KCNN2: variants seen among roughly 807,000 people sequenced by gnomAD.
The protein encoded by KCNN2 is small conductance calcium-activated potassium channel protein 2.
In KCNN2, 24 loss-of-function variants were observed where a neutral mutation model predicts 55.5. The ratio of observed to expected loss-of-function variants is 0.43; its 90% CI spans 0.31 to 0.61. KCNN2 has a LOEUF of 0.61. Ranked by LOEUF, KCNN2 falls within the 20% of genes least tolerant of loss-of-function variation. KCNN2 has a pLI of 0.08. For missense variants in KCNN2, 754 were observed against 853.6 expected (o/e 0.88, Z 1.45); for synonymous variants, 431 against 336.1 (o/e 1.28, Z -3.09).
At chr5:114,056,470 A>T in exon 1 of KCNN2, 1 of 398,622 alleles carries the variant, frequency 2.5e-6, no homozygotes, top group East Asian at 3.6e-5. Context: ...TTGAGCTTCA[A>T]ATGGAGCGGG....
intron 2 of KCNN2, among the ~76,000 whole-genome samples, chr5:114,298,441 G>A (rs945814032): frequency 1.3e-5 from 2 of 152,196 alleles, no homozygotes; most frequent in East Asian, 1.9e-4. Flanking sequence ...CTCACCAGTT[G>A]CAACACTGGT....
intron 1 of KCNN2, among the ~76,000 whole-genome samples, chr5:114,091,644 G>A (rs1386888853): frequency 6.6e-6 from 1 of 152,106 alleles, no homozygotes; most frequent in Non-Finnish European, 1.5e-5. Context: ...AAAGGAAAGA[G>A]GATTAATTGA....
chr5:114,239,626 T>G (rs1754578346), intron 2 of KCNN2, among the ~76,000 whole-genome samples: 1 of 152,208 alleles, frequency 6.6e-6, no homozygotes. Flanking sequence ...TTCAACTATT[T>G]GGATCCTTTA....
At chr5:114,318,691 C>T (rs1756551648) in intron 2 of KCNN2, among the ~76,000 whole-genome samples, 1 of 151,860 alleles carries the variant, frequency 6.6e-6, no homozygotes, top group East Asian at 1.9e-4. Flanking sequence ...TAATTACATT[C>T]TTTCTGTAAT....
rs532862065 is a variant in KCNN2, at chr5:114,223,193, G to A, written c.-185+1628G>A. Among the ~76,000 whole-genome samples the A allele has an allele frequency of 1.8e-3, 273 of 152,234 alleles. 1 individual carries two copies. The highest frequency in any genetic ancestry group is 3.4e-3 in the Middle Eastern group (1 of 294). On this transcript the variant is annotated intron_variant, in intron 2 of 10. Transcript: ENST00000512097. ...TACATGTCAATTGATAGCATCCATC[G>A]TTTGACACTAACAGTTTTGAAGGTC...
intron 1 of KCNN2, among the ~76,000 whole-genome samples, chr5:114,207,887 A>G (rs1410973782): frequency 3.3e-5 from 5 of 152,206 alleles, no homozygotes; most frequent in African/African-American, 4.8e-5. Flanking sequence ...AGTGATAGCA[A>G]ATACAGTCAA....
At chr5:114,245,688 C>T (rs997748807) in intron 2 of KCNN2, among the ~76,000 whole-genome samples, 5 of 151,954 alleles carry the variant, frequency 3.3e-5, no homozygotes, top group African/African-American at 9.7e-5. Context: ...CAAAAAACCC[C>T]TAAAAACAAA....
intron 2 of KCNN2, among the ~76,000 whole-genome samples, chr5:114,264,280 A>G (rs557511881): frequency 2.0e-5 from 3 of 152,260 alleles, no homozygotes; most frequent in Non-Finnish European, 4.4e-5. Flanking sequence ...CTGTATATGA[A>G]TTATAATCTA....
chr5:114,448,979 A>G (rs368038045), intron 3 of KCNN2, among the ~76,000 whole-genome samples: 2 of 152,320 alleles, frequency 1.3e-5, no homozygotes, highest in Admixed American at 1.3e-4. Flanking sequence ...GATACTAGAC[A>G]TAGAGATGTA....
In KCNN2 at chr5:114,477,537, A is replaced by G. The variant is rs551296410; in HGVS notation, c.1890+4373A>G. On this transcript the variant is annotated intron_variant, in intron 5 of 7. Transcript: ENST00000673685. The stretch of plus-strand genomic sequence containing the variant: ...CGACAGGTACATGTGTCCAGAACAA[A>G]CTAATGATTTTGAAGTGAAAACATA... 3.3e-5 allele frequency among the ~76,000 whole-genome samples: 5 copies of G among 152,314 alleles called. No individual in the cohort carries two copies. In the South Asian group the frequency reaches 8.3e-4, roughly 25 times the overall value.
intron 1 of KCNN2, among the ~76,000 whole-genome samples, chr5:114,177,433 A>C (rs192060119): frequency 7.2e-5 from 11 of 152,196 alleles, no homozygotes; most frequent in African/African-American, 2.4e-4. Flanking sequence ...CACGGCACCC[A>C]GCTAATATGC....
chr5:114,476,048 A>ATT (rs1761949738), intron 5 of KCNN2, among the ~76,000 whole-genome samples: 1 of 150,746 alleles, frequency 6.6e-6, no homozygotes, highest in South Asian at 2.1e-4. Flanking sequence ...TTTTTTTTTT[A>ATT]AATTATACTT....
chr5:114,444,128 G>A (rs1042660022), intron 3 of KCNN2, among the ~76,000 whole-genome samples: 14 of 152,288 alleles, frequency 9.2e-5, no homozygotes, highest in African/African-American at 3.4e-4. Context: ...CAGTGGAAAT[G>A]GGAGTTCTCC....
chr5:114,123,456 G>A lies in KCNN2; in HGVS notation c.-271+66956G>A, dbSNP rs997412448. Among the ~76,000 whole-genome samples, 8 of 71,558 alleles carry A rather than the reference G, an allele frequency of 1.1e-4. 1 individual carries two copies. The highest frequency in any genetic ancestry group is 3.8e-4 in the Admixed American group (3 of 7,994). 46.9% of individuals were successfully genotyped at this position (71,558 alleles called of 152,430 possible). A position where few individuals can be genotyped will look rare whatever the true frequency, so the allele number is the denominator to read the frequency against. On this transcript the variant is annotated intron_variant, in intron 1 of 10. Coordinates refer to the KCNN2 transcript ENST00000512097. ...CGGCTCACTGCAAGCTCCGCCTCCC[G>A]GGTTCACGCCATTCTCCTGTCTCAG...
At chr5:114,121,543 A>G (rs1399242747) in intron 1 of KCNN2, among the ~76,000 whole-genome samples, 1 of 152,314 alleles carries the variant, frequency 6.6e-6, no homozygotes, top group East Asian at 1.9e-4. Context: ...TACAGAAGGC[A>G]GCAAGATTGG....
At chr5:114,264,067 A>G (rs1391741969) in intron 2 of KCNN2, among the ~76,000 whole-genome samples, 1 of 152,182 alleles carries the variant, frequency 6.6e-6, no homozygotes, top group African/African-American at 2.4e-5. Flanking sequence ...ACTAGAAAAC[A>G]TACTTCCAAT....
chr5:114,309,465 C>A (rs1254464741), intron 2 of KCNN2, among the ~76,000 whole-genome samples: 1 of 152,090 alleles, frequency 6.6e-6, no homozygotes, highest in African/African-American at 2.4e-5. Flanking sequence ...GTCCAAATTG[C>A]TTTGTGTATA....
intron 1 of KCNN2, among the ~76,000 whole-genome samples, chr5:114,206,813 C>G (rs559567581): frequency 2.0e-5 from 3 of 151,680 alleles, no homozygotes; most frequent in South Asian, 4.2e-4. Context: ...GTCTCAGACT[C>G]AAGTATTTAC....
intron 2 of KCNN2, among the ~76,000 whole-genome samples, chr5:114,323,845 CA>C (rs1460453968): frequency 6.6e-6 from 1 of 151,612 alleles, no homozygotes; most frequent in Non-Finnish European, 1.5e-5. Context: ...GATGGGGTTT[CA>C]CCATGTTGGC....
Sources: allele counts gnomAD v4.1 joint callset (sites outside exome capture counted in the v4.1 genomes callset), GRCh38; gene constraint gnomAD v4.1.1; transcripts MANE v1.5; gene names NCBI Gene and HGNC (gene_info 2026-07-23, HGNC 2026-07-21).